The following ABCB1 variants were observed in gnomAD, a reference collection of about 807,000 sequenced individuals.
ABCB1 encodes ATP-dependent translocase ABCB1.
ABCB1 carries 69 observed loss-of-function variants against 142.0 expected under a neutral mutation model. The observed-to-expected ratio is 0.49, with a 90% CI of 0.40 to 0.59. The LOEUF (loss-of-function observed/expected upper bound fraction) is 0.59, where lower values mean the gene tolerates loss of function less well. ABCB1 is among the 20% of genes least tolerant of loss of function. The pLI, the probability that ABCB1 is intolerant of heterozygous loss-of-function variation, is 0.00. For synonymous variants in ABCB1, 532 were observed against 539.2 expected, an observed-to-expected ratio of 0.99 and a Z score of 0.18; for missense variants, 1,326 against 1,554.7, an observed-to-expected ratio of 0.85 and a Z score of 2.47.
chr7:87,593,595 C>T (rs1258467164), intron 3 of ABCB1, among the ~76,000 whole-genome samples: 1 of 152,182 alleles, frequency 6.6e-6, no homozygotes, highest in Admixed American at 6.5e-5. Flanking sequence ...TAAGTATGGC[C>T]AAACTATCTG....
At chr7:87,670,540 A>G (rs1159162124) in intron 1 of ABCB1, among the ~76,000 whole-genome samples, 2 of 152,232 alleles carry the variant, frequency 1.3e-5, no homozygotes, top group Non-Finnish European at 2.9e-5. Context: ...TGGATGGCAT[A>G]CAATACTCTG....
At chr7:87,652,466 A>C (rs1823670472) in intron 1 of ABCB1, among the ~76,000 whole-genome samples, 1 of 151,976 alleles carries the variant, frequency 6.6e-6, no homozygotes, top group Non-Finnish European at 1.5e-5. Context: ...GAATAATACT[A>C]TAATGCAAAT....
chr7:87,605,345 G>A (rs931654632), upstream of ABCB1, among the ~76,000 whole-genome samples: 9 of 152,096 alleles, frequency 5.9e-5, no homozygotes, highest in African/African-American at 2.2e-4. Context: ...CATTGACTAG[G>A]CTGATCTTGA....
intron 17 of ABCB1, among the ~76,000 whole-genome samples, chr7:87,543,249 G>C (rs28381928): frequency 6.6e-6 from 1 of 152,036 alleles, no homozygotes; most frequent in Non-Finnish European, 1.5e-5. Flanking sequence ...AGCCGAGTTC[G>C]CACCACTGCA....
At chr7:87,689,996 A>G (rs1190908749) in intron 1 of ABCB1, among the ~76,000 whole-genome samples, 2 of 152,046 alleles carry the variant, frequency 1.3e-5, no homozygotes, top group South Asian at 2.1e-4. Context: ...TTTTTTAAAA[A>G]TTTTTAAATT....
chr7:87,594,775 T>G (rs1031685933), intron 3 of ABCB1, among the ~76,000 whole-genome samples: 1 of 152,190 alleles, frequency 6.6e-6, no homozygotes, highest in Non-Finnish European at 1.5e-5. Context: ...AAGGGAACCA[T>G]AGAGTCCTCA....
In ABCB1 at chr7:87,595,802, C is replaced by G; in HGVS notation, c.81G>C (p.Lys27Asn). 1 of 1,610,750 alleles carries G rather than the reference C, an allele frequency of 6.2e-7. No homozygotes were observed. The highest frequency in any genetic ancestry group is 1.1e-5 in the South Asian group (1 of 90,868). ...CACTGACAGTTGGTTTCTTTTCCTT[C>G]TTATCTTTTTCACTGCAAAACAGCA... ...FKLNNKSEKD[K>N]KEKKPTVSVF... The change falls in exon 3 of 28, where the codon AAG becomes AAC. Residue 27 changes from lysine (K) to asparagine (N), a missense_variant. Lys to Asn is a moderately conservative substitution (Grantham distance 94). Transcript: ENST00000622132.
intron 14 of ABCB1, among the ~76,000 whole-genome samples, chr7:87,547,136 A>G (rs1360388233): frequency 6.6e-6 from 1 of 152,198 alleles, no homozygotes; most frequent in Non-Finnish European, 1.5e-5. Flanking sequence ...GTTACTCTAT[A>G]TGTCTCTCTA....
intron 1 of ABCB1, among the ~76,000 whole-genome samples, chr7:87,688,181 G>GA: frequency 6.6e-6 from 1 of 152,198 alleles, no homozygotes; most frequent in Middle Eastern, 3.4e-3. Context: ...TTGTATCTCA[G>GA]AAAATCATCG....
At chr7:87,608,838 C>G (rs1175896387) in intron 1 of ABCB1, among the ~76,000 whole-genome samples, 1 of 152,074 alleles carries the variant, frequency 6.6e-6, no homozygotes, top group Non-Finnish European at 1.5e-5. Context: ...TTTCCATATA[C>G]AAGAAACACT....
intron 1 of ABCB1, among the ~76,000 whole-genome samples, chr7:87,612,368 T>G (rs1160068275): frequency 6.6e-6 from 1 of 152,196 alleles, no homozygotes; most frequent in East Asian, 1.9e-4. Context: ...TTTCCTAGGT[T>G]TCCTTCTAGA....
chr7:87,637,781 G>T, intron 1 of ABCB1, among the ~76,000 whole-genome samples: 1 of 152,030 alleles, frequency 6.6e-6, no homozygotes, highest in East Asian at 1.9e-4. Flanking sequence ...AGTCTTACCA[G>T]ATTTCTTTAT....
At chr7:87,667,397 G>GTT (rs202009483) in intron 1 of ABCB1, among the ~76,000 whole-genome samples, 1 of 147,274 alleles carries the variant, frequency 6.8e-6, no homozygotes, top group Non-Finnish European at 1.5e-5. Flanking sequence ...CCAAGACTAT[G>GTT]TTTTTTTTTT....
At position 87,509,356 on chromosome 7, in the gene ABCB1, G is replaced by A. The variant is rs201106061; in HGVS notation, c.3408C>T (p.Asn1136=). The A allele has an allele frequency of 3.6e-5, 58 of 1,614,134 alleles. No homozygotes were observed. Among genetic ancestry groups the A allele is most frequent in the Middle Eastern group, 3.3e-4 (2 of 6,062 alleles). ...SIAENIAYGD[N]SRVVSQEEIV... ...TCTCTTCCTGTGACACCACCCGGCT[G>A]TTGTCTCCATAGGCAATGTTCTCAG... Residue 1136 remains asparagine (N), a synonymous_variant, in exon 26 of 28, where the codon AAC becomes AAT. Coordinates refer to ENST00000622132, the MANE Select transcript of ABCB1 (RefSeq NM_001348946.2).
At chr7:87,520,969 ATGATTACATAT>A in intron 21 of ABCB1, 93 bp from the exon 22 acceptor site, 1 of 920,354 alleles carries the variant, frequency 1.1e-6, no homozygotes, top group South Asian at 1.4e-5. Flanking sequence ...AAATAATTTT[ATGATTACATAT>A]TTATTATTAT....
intron 14 of ABCB1, among the ~76,000 whole-genome samples, chr7:87,548,034 A>C (rs565282021): frequency 8.9e-4 from 131 of 148,010 alleles, no homozygotes; most frequent in Admixed American, 2.7e-3. Flanking sequence ...AAAAGATAAG[A>C]TAAGATAAGA....
At chr7:87,530,846 A>C (rs11761122) in intron 21 of ABCB1, among the ~76,000 whole-genome samples, 1,342 of 60,688 alleles carry the variant, frequency 0.022, 7 homozygotes, top group South Asian at 0.067. Flanking sequence ...AGCAAGAAAG[A>C]AAGAAAGAAA....
intron 3 of ABCB1, among the ~76,000 whole-genome samples, chr7:87,586,930 CAT>C (rs1818783024): frequency 6.6e-6 from 1 of 152,066 alleles, no homozygotes; most frequent in Admixed American, 6.5e-5. Context: ...TAAGTATTTG[CAT>C]TTACCCTTTT....
chr7:87,682,897 A>G (rs1191400560), intron 1 of ABCB1, among the ~76,000 whole-genome samples: 2 of 152,216 alleles, frequency 1.3e-5, no homozygotes, highest in African/African-American at 4.8e-5. Context: ...TTACTATGAA[A>G]GGTTTAGATG....
Sources: gnomAD v4.1 joint callset for allele counts (sites outside exome capture counted in the v4.1 genomes callset) on GRCh38, gnomAD v4.1.1 for gene constraint, MANE v1.5 for transcripts, NCBI Gene and HGNC (gene_info 2026-07-23, HGNC 2026-07-21) for gene names.